Variants in ZNF385D observed in about 807,000 individuals in gnomAD.
ZNF385D encodes zinc finger protein 659.
ZNF385D carries 15 observed loss-of-function variants against 35.8 expected under a neutral mutation model. That is an observed-to-expected ratio of 0.42 (90% CI 0.28 to 0.64). ZNF385D has a LOEUF of 0.64. Among genes scored for constraint, ZNF385D ranks in the 30% least tolerant of loss-of-function variants. ZNF385D has a pLI of 0.23. For missense variants in ZNF385D, 474 were observed against 494.6 expected (o/e 0.96, Z 0.39); for synonymous variants, 212 against 186.8 (o/e 1.13, Z -1.10).
intron 2 of ZNF385D, among the ~76,000 whole-genome samples, chr3:22,312,450 T>G (rs1032253002): frequency 1.4e-4 from 21 of 151,910 alleles, no homozygotes; most frequent in Non-Finnish European, 2.5e-4. Context: ...GAAACTACCA[T>G]CAGAGTGAAC....
intron 3 of ZNF385D, among the ~76,000 whole-genome samples, chr3:22,146,269 T>C (rs866160328): frequency 2.5e-4 from 38 of 152,334 alleles, no homozygotes; most frequent in Middle Eastern, 3.4e-3. Context: ...GTAATATTCG[T>C]TTAATAGCTA....
chr3:21,467,232 C>G (rs1429939143), intron 4 of ZNF385D, among the ~76,000 whole-genome samples: 1 of 152,160 alleles, frequency 6.6e-6, no homozygotes. Flanking sequence ...ACTTACTTTC[C>G]TATTCCATAA....
At chr3:21,611,227 G>A (rs1046144906) in intron 2 of ZNF385D, among the ~76,000 whole-genome samples, 15 of 152,172 alleles carry the variant, frequency 9.9e-5, no homozygotes, top group African/African-American at 3.4e-4. Context: ...CAGAATACCA[G>A]AAGATGGGGT....
intron 3 of ZNF385D, among the ~76,000 whole-genome samples, chr3:21,983,118 G>A (rs983703543): frequency 1.7e-5 from 2 of 120,658 alleles, no homozygotes; most frequent in Admixed American, 7.5e-5. Context: ...ATGAATTGGG[G>A]AGGAGTCCCT....
At chr3:22,254,237 CAA>C (rs1194289431) in intron 2 of ZNF385D, among the ~76,000 whole-genome samples, 5 of 151,706 alleles carry the variant, frequency 3.3e-5, no homozygotes, top group Non-Finnish European at 5.9e-5. Context: ...ATAAATATTT[CAA>C]AACTATTGAG....
At chr3:22,064,192 C>A (rs1699822397) in intron 3 of ZNF385D, among the ~76,000 whole-genome samples, 1 of 152,166 alleles carries the variant, frequency 6.6e-6, no homozygotes, top group African/African-American at 2.4e-5. Context: ...GTGATTAGCT[C>A]AGGAGAAGCC....
intron 3 of ZNF385D, among the ~76,000 whole-genome samples, chr3:22,088,686 G>T (rs1701168822): frequency 6.6e-6 from 1 of 150,662 alleles, no homozygotes; most frequent in South Asian, 2.1e-4. Context: ...AGTGGTAGAA[G>T]CTACTGTGCC....
At chr3:21,766,587 G>C (rs1185534398) in intron 3 of ZNF385D, among the ~76,000 whole-genome samples, 1 of 152,112 alleles carries the variant, frequency 6.6e-6, no homozygotes, top group Non-Finnish European at 1.5e-5. Flanking sequence ...AATCTTGAGG[G>C]AGATATTGCA....
At chr3:21,895,326 T>TA in intron 3 of ZNF385D, among the ~76,000 whole-genome samples, 1 of 131,666 alleles carries the variant, frequency 7.6e-6, no homozygotes, top group East Asian at 2.3e-4. Flanking sequence ...TGGCTTTTTT[T>TA]TTTTTTTTTT....
chr3:21,675,690 G>A (rs2066704553), intron 1 of ZNF385D, among the ~76,000 whole-genome samples: 1 of 152,026 alleles, frequency 6.6e-6, no homozygotes, highest in Admixed American at 6.6e-5. Flanking sequence ...GTAAGGCAAA[G>A]GATTATTCAA....
chr3:21,688,337 G>C (rs1040906406), intron 1 of ZNF385D, among the ~76,000 whole-genome samples: 7 of 151,750 alleles, frequency 4.6e-5, no homozygotes, highest in Admixed American at 3.9e-4. Flanking sequence ...CCCCATCATT[G>C]GTCATTATTG....
At chr3:21,728,181 T>C (rs1244592414) in intron 1 of ZNF385D, among the ~76,000 whole-genome samples, 1 of 151,984 alleles carries the variant, frequency 6.6e-6, no homozygotes, top group East Asian at 1.9e-4. Context: ...AAATACCTAA[T>C]GTAAGTGACG....
intron 2 of ZNF385D, among the ~76,000 whole-genome samples, chr3:22,188,196 C>G (rs1171545628): frequency 6.6e-6 from 1 of 152,076 alleles, no homozygotes; most frequent in African/African-American, 2.4e-5. Context: ...TGGACAAAGA[C>G]AAAGCATTAG....
chr3:21,525,610 G>C (rs572525535), intron 3 of ZNF385D, among the ~76,000 whole-genome samples: 1 of 150,778 alleles, frequency 6.6e-6, no homozygotes, highest in Non-Finnish European at 1.5e-5. Flanking sequence ...CTTGAACCTG[G>C]GAGGCGGAGG....
intron 2 of ZNF385D, among the ~76,000 whole-genome samples, chr3:22,279,871 C>T (rs1701649141): frequency 6.6e-6 from 1 of 152,024 alleles, no homozygotes; most frequent in Non-Finnish European, 1.5e-5. Flanking sequence ...CACTGTTTTC[C>T]ACAGTGGCTG....
chr3:21,817,641 G>T (rs1007669514), intron 3 of ZNF385D, among the ~76,000 whole-genome samples: 2 of 152,304 alleles, frequency 1.3e-5, no homozygotes, highest in Admixed American at 6.5e-5. Context: ...TCTCACACCA[G>T]TTAGAATGGA....
At chr3:21,916,684 G>T (rs1484315656) in intron 3 of ZNF385D, among the ~76,000 whole-genome samples, 3 of 152,172 alleles carry the variant, frequency 2.0e-5, no homozygotes, top group South Asian at 2.1e-4. Context: ...AAAGACACTT[G>T]AATTAATTCA....
At chr3:22,134,814 T>C (rs556132616) in intron 3 of ZNF385D, among the ~76,000 whole-genome samples, 2 of 152,224 alleles carry the variant, frequency 1.3e-5, no homozygotes, top group Admixed American at 6.5e-5. Context: ...GAGATAGTGA[T>C]AAAAGAGGGG....
At chr3:21,959,097 TAC>T (rs1485945211) in intron 3 of ZNF385D, among the ~76,000 whole-genome samples, 10 of 152,296 alleles carry the variant, frequency 6.6e-5, no homozygotes, top group South Asian at 2.1e-4. Flanking sequence ...CAACTAATAA[TAC>T]AGTTACATAA....
Sources: gnomAD v4.1 joint callset for allele counts (sites outside exome capture counted in the v4.1 genomes callset) on GRCh38, gnomAD v4.1.1 for gene constraint, MANE v1.5 for transcripts, NCBI Gene and HGNC (gene_info 2026-07-23, HGNC 2026-07-21) for gene names.